Variants in AKAP19 observed in about 807,000 individuals in gnomAD.
The protein encoded by AKAP19 is small A-kinase anchoring protein.
At chr2:190,116,817 A>T in the AKAP19 span, among the ~76,000 whole-genome samples, 3 of 152,174 alleles carry the variant, frequency 2.0e-5, no homozygotes, top group African/African-American at 2.4e-5. Flanking sequence ...ATGGCTATTC[A>T]ACTTTCTAGG....
At chr2:190,144,213 T>A in the AKAP19 span, among the ~76,000 whole-genome samples, 1 of 147,444 alleles carries the variant, frequency 6.8e-6, no homozygotes, top group Non-Finnish European at 1.5e-5. Flanking sequence ...AAATTATAAC[T>A]TAATAAAAAA....
At chr2:189,910,819 A>G in the AKAP19 span, among the ~76,000 whole-genome samples, 11,540 of 152,106 alleles carry the variant, frequency 0.076, 545 homozygotes, top group Middle Eastern at 0.13. Context: ...GGGTGTTTAT[A>G]AGGACTATTT....
the AKAP19 span, among the ~76,000 whole-genome samples, chr2:189,886,891 A>G: frequency 1.3e-5 from 2 of 152,220 alleles, no homozygotes; most frequent in Non-Finnish European, 2.9e-5. Context: ...CTGTTGCAGT[A>G]GTTAGAGCAC....
At chr2:190,007,034 A>AG in the AKAP19 span, among the ~76,000 whole-genome samples, 2 of 152,218 alleles carry the variant, frequency 1.3e-5, no homozygotes, top group Non-Finnish European at 2.9e-5. Context: ...GAAGAAAAAA[A>AG]GAATTTAAAC....
the AKAP19 span, among the ~76,000 whole-genome samples, chr2:190,002,733 C>T: frequency 4.6e-5 from 7 of 152,144 alleles, no homozygotes; most frequent in East Asian, 1.9e-4. Context: ...TTCTTAGGAC[C>T]GTCAGTTGGT....
chr2:190,201,542 T>C, the AKAP19 span: 3 of 167,080 alleles, frequency 1.8e-5, no homozygotes, highest in Admixed American at 2.0e-4. Flanking sequence ...GAGATAAATA[T>C]GTATTTGTCT....
At chr2:190,201,765 T>C in the AKAP19 span, 1 of 167,032 alleles carries the variant, frequency 6.0e-6, no homozygotes, top group African/African-American at 2.4e-5. Flanking sequence ...CTACAATTTA[T>C]ATAATAGAAA....
the AKAP19 span, among the ~76,000 whole-genome samples, chr2:190,160,581 T>C: frequency 6.6e-6 from 1 of 152,186 alleles, no homozygotes; most frequent in South Asian, 2.1e-4. Context: ...AATTGGAATA[T>C]TGGGATATAA....
chr2:189,973,264 C>T, the AKAP19 span, among the ~76,000 whole-genome samples: 2 of 152,102 alleles, frequency 1.3e-5, no homozygotes, highest in African/African-American at 2.4e-5. Flanking sequence ...GTCTTTAGTT[C>T]TGTTTATATG....
At chr2:189,951,997 A>G in the AKAP19 span, among the ~76,000 whole-genome samples, 2 of 152,194 alleles carry the variant, frequency 1.3e-5, no homozygotes, top group Non-Finnish European at 2.9e-5. Context: ...AACAAACTAC[A>G]CAAACTGAAA....
chr2:189,953,140 A>G, the AKAP19 span, among the ~76,000 whole-genome samples: 1 of 152,262 alleles, frequency 6.6e-6, no homozygotes, highest in African/African-American at 2.4e-5. Context: ...CCCACTTACA[A>G]GTCTGCAATA....
At chr2:189,930,166 A>C in the AKAP19 span, 1 of 157,844 alleles carries the variant, frequency 6.3e-6, no homozygotes, top group Admixed American at 6.5e-5. Context: ...ACTTTTGTGC[A>C]TGATCTTAAT....
chr2:189,900,560 T>C, the AKAP19 span, among the ~76,000 whole-genome samples: 1 of 152,230 alleles, frequency 6.6e-6, no homozygotes, highest in Non-Finnish European at 1.5e-5. Context: ...AGTATGTTAA[T>C]TAGTAATTCT....
chr2:189,920,111 AACCATAT>A, the AKAP19 span, among the ~76,000 whole-genome samples: 2 of 152,262 alleles, frequency 1.3e-5, no homozygotes, highest in Non-Finnish European at 2.9e-5. Flanking sequence ...ATTGCTGGTC[AACCATAT>A]ATTCTCAGTT....
the AKAP19 span, among the ~76,000 whole-genome samples, chr2:189,979,680 T>C: frequency 6.6e-6 from 1 of 152,042 alleles, no homozygotes; most frequent in Non-Finnish European, 1.5e-5. Context: ...ACACTTGACA[T>C]AGGAGTAATA....
the AKAP19 span, among the ~76,000 whole-genome samples, chr2:189,919,579 C>A: frequency 1.3e-5 from 2 of 152,034 alleles, no homozygotes; most frequent in Non-Finnish European, 2.9e-5. Flanking sequence ...GTGTGATGTT[C>A]TCCTTTCTGT....
At chr2:189,934,368 T>G in the AKAP19 span, among the ~76,000 whole-genome samples, 1 of 152,072 alleles carries the variant, frequency 6.6e-6, no homozygotes, top group Non-Finnish European at 1.5e-5. Context: ...AATGAACAGA[T>G]GCAGATTCCA....
the AKAP19 span, among the ~76,000 whole-genome samples, chr2:190,196,009 G>A: frequency 7.8e-6 from 1 of 128,824 alleles, no homozygotes; most frequent in East Asian, 2.3e-4. Flanking sequence ...AAAAGACTAT[G>A]TATGTGTGGT....
chr2:190,037,494 A>G, the AKAP19 span, among the ~76,000 whole-genome samples: 9 of 152,344 alleles, frequency 5.9e-5, no homozygotes, highest in African/African-American at 1.7e-4. Context: ...GACAAAAGCC[A>G]AGACAACTCA....
Sources: gnomAD v4.1 joint callset for allele counts (sites outside exome capture counted in the v4.1 genomes callset) on GRCh38, gnomAD v4.1.1 for gene constraint, MANE v1.5 for transcripts, NCBI Gene and HGNC (gene_info 2026-07-23, HGNC 2026-07-21) for gene names.